Variants in COL20A1 observed in about 807,000 individuals in gnomAD.
COL20A1 encodes collagen type XX alpha 1 chain, also known as collagen alpha-1(XX) chain.
Under a neutral mutation model 152.9 loss-of-function variants are expected in COL20A1, and 164 were observed. The ratio of observed to expected loss-of-function variants is 1.07; its 90% CI spans 0.94 to 1.22. COL20A1 has a LOEUF of 1.22. Among genes scored for constraint, COL20A1 ranks in the 50% most tolerant of loss-of-function variants. The pLI is 0.00. For missense variants in COL20A1, 1,873 were observed against 1,744.8 expected, an observed-to-expected ratio of 1.07 and a Z score of -1.31; for synonymous variants, 864 against 756.0, an observed-to-expected ratio of 1.14 and a Z score of -2.34.
chr20:63,322,023 G>C, intron 26 of COL20A1, 35 bp from the exon 27 acceptor site: 5 of 1,509,450 alleles, frequency 3.3e-6, no homozygotes, highest in Non-Finnish European at 4.4e-6. Flanking sequence ...TGGTTGGGTA[G>C]TTCTGGGGGC....
At chr20:63,294,359 C>T (rs1412534876) in intron 1 of COL20A1, among the ~76,000 whole-genome samples, 1 of 151,662 alleles carries the variant, frequency 6.6e-6, no homozygotes, top group East Asian at 2.0e-4. Flanking sequence ...CACTGGGTTA[C>T]CCTGGCCTCT....
rs1323950765 is a variant in COL20A1, at chr20:63,305,811, G to A, written c.338-70G>A. On this transcript the variant is annotated intron_variant, in intron 4 of 35. Transcript: ENST00000358894. The surrounding 1 kb of genome is among the most constrained non-coding windows in gnomAD (Gnocchi z 4.9). ...CCCACAGATGCGCCCTTGAAGGGGT[G>A]TATGTGCAGCTGCCCCAGTGGACCA... 1.3e-6 allele frequency: 2 copies of A among 1,486,088 alleles called. No individual in the cohort carries two copies. Among genetic ancestry groups the A allele is most frequent in the East Asian group, 2.3e-5 (1 of 44,200 alleles). 92.1% of individuals were successfully genotyped at this position (1,486,088 alleles called of 1,614,324 possible).
At chr20:63,329,319 T>C (rs2180614) in intron 34 of COL20A1, 343,775 of 546,816 alleles carry the variant, frequency 0.63, 109,187 homozygotes, top group Non-Finnish European at 0.65. Flanking sequence ...CCTGTCTAGA[T>C]GAGGGTGACA....
chr20:63,301,341 C>A (rs192348414), intron 3 of COL20A1, among the ~76,000 whole-genome samples: 1 of 152,198 alleles, frequency 6.6e-6, no homozygotes, highest in Non-Finnish European at 1.5e-5. Flanking sequence ...GCTTTATGGT[C>A]CAGCATATGA....
chr20:63,300,464 T>A lies in COL20A1; in HGVS notation c.193+2444T>A, dbSNP rs898003427. Among the ~76,000 whole-genome samples the A allele has an allele frequency of 2.6e-5, 4 of 152,222 alleles. No homozygotes were observed. In the South Asian group the frequency reaches 8.3e-4, roughly 31 times the overall value. ...GGTAAGTTAGTTTTTTAAACAGGAA[T>A]TTGTATTTTATATAAATTTCCTGAT... is the stretch of plus-strand genomic sequence containing the variant. On this transcript the variant is annotated intron_variant, in intron 3 of 35. Transcript: ENST00000358894.
chr20:63,314,105 C>T lies in COL20A1; in HGVS notation c.2392C>T (p.Leu798=), dbSNP rs746300443. Residue 798 remains leucine (L), a synonymous_variant, in exon 19 of 36, where the codon CTG becomes TTG. Coordinates refer to ENST00000358894, the MANE Select transcript of COL20A1 (RefSeq NM_020882.4). ...GCCAGGAGCCAGGAGCCACGTGACA[C>T]TGCCCGACCTGCAGGCAGCCACGAA... The part of the protein sequence containing the change: ...SVPGARSHVT[L]PDLQAATKYR... 4 of 1,612,738 alleles carry T rather than the reference C, an allele frequency of 2.5e-6. No individual in the cohort carries two copies. In the South Asian group the frequency reaches 3.3e-5, roughly 13 times the overall value.
At chr20:63,303,609 C>T (rs2067884560) in intron 3 of COL20A1, among the ~76,000 whole-genome samples, 1 of 152,192 alleles carries the variant, frequency 6.6e-6, no homozygotes, top group Non-Finnish European at 1.5e-5. Context: ...ACAGTGAAAA[C>T]TCAATAACAG....
In COL20A1 at chr20:63,334,025, C is replaced by G. The variant is rs2068364162; in HGVS notation, c.*3309C>G. ...TTGAGCCCCAGCACAGAGACGATGT[C>G]ATAATACAGCCCCCCATCGTGATCT... is the stretch of plus-strand genomic sequence containing the variant. On this transcript the variant is annotated 3_prime_UTR_variant, in exon 36 of 36. Transcript: ENST00000358894. 1 of 152,268 alleles carries G rather than the reference C, an allele frequency of 6.6e-6. No homozygotes were observed. Among genetic ancestry groups the G allele is most frequent in the Non-Finnish European group, 1.5e-5 (1 of 68,068 alleles). The allele number at this position is 152,268 out of a possible 1,614,324, so 9.4% of individuals were successfully genotyped here.
chr20:63,309,434 G>T lies in COL20A1; in HGVS notation c.1042G>T (p.Ala348Ser). ...GGACTTCCTGCAGCTCGGCGCGCTG[G>T]CTGGCCTGCTCAGCCGTCTCATCTG... ...VLDFLQLGAL[A>S]GLLSRLICQR... Residue 348 changes from alanine to serine, a missense_variant, in exon 9 of 36, where the codon GCT becomes TCT. Coordinates refer to ENST00000358894, the MANE Select transcript of COL20A1 (RefSeq NM_020882.4). 6.5e-7 allele frequency: 1 copy of T among 1,545,426 alleles called. No individual in the cohort carries two copies. Among genetic ancestry groups the T allele is most frequent in the East Asian group, 2.5e-5 (1 of 40,608 alleles).
At chr20:63,309,633 A>G in intron 9 of COL20A1, 125 bp from the exon 10 acceptor site, 1 of 1,236,510 alleles carries the variant, frequency 8.1e-7, no homozygotes, top group Non-Finnish European at 1.1e-6. Context: ...GCACCCCCTT[A>G]CATCTGTCCA....
At chr20:63,293,996 C>CCATG (rs1019090162) in intron 1 of COL20A1, among the ~76,000 whole-genome samples, 1 of 145,988 alleles carries the variant, frequency 6.8e-6, no homozygotes, top group Non-Finnish European at 1.5e-5. Flanking sequence ...TGCACTCAAG[C>CCATG]CATGCCCTCA....
In COL20A1 at chr20:63,334,339, G is replaced by C. The variant is rs1174882733; in HGVS notation, c.*3623G>C. 6.6e-6 allele frequency: 1 copy of C among 152,252 alleles called. No homozygotes were observed. Among genetic ancestry groups the C allele is most frequent in the Admixed American group, 6.5e-5 (1 of 15,286 alleles). The allele number at this position is 152,252 out of a possible 1,614,324, so 9.4% of individuals were successfully genotyped here. On this transcript the variant is annotated 3_prime_UTR_variant, in exon 36 of 36. Transcript: ENST00000358894. ...GTAACCAAATAATGATGGATGCAGCGCCACGTCAGAATCTCTGTGCTGCAG... is the reference window on the plus strand; with the variant it reads ...GTAACCAAATAATGATGGATGCAGCCCCACGTCAGAATCTCTGTGCTGCAG...
Position 63,312,786 on chromosome 20 carries a change from C to T in COL20A1, c.1934-6C>T. The T allele has an allele frequency of 2.6e-6, 4 of 1,543,354 alleles. No homozygotes were observed. The highest frequency in any genetic ancestry group is 3.5e-6 in the Non-Finnish European group (4 of 1,138,932). ...CACCCCCAGCCTGTGTCTCCACTTC[C>T]TTCAGAGAAAGCTCCCAGCCCAAGC... On this transcript the variant is annotated splice_polypyrimidine_tract_variant and splice_region_variant and intron_variant, in intron 15 of 35. Transcript: ENST00000358894.
chr20:63,326,210 G>A, intron 30 of COL20A1, 61 bp downstream of exon 30: 3 of 1,370,404 alleles, frequency 2.2e-6, no homozygotes, highest in Non-Finnish European at 3.1e-6. Flanking sequence ...CCAGGGGTCA[G>A]GCAGAGGCCA....
At chr20:63,325,868 C>T in intron 29 of COL20A1, 147 bp downstream of exon 29, 2 of 820,062 alleles carry the variant, frequency 2.4e-6, no homozygotes, top group South Asian at 3.4e-5. Context: ...CCCCCTTCAG[C>T]CTGTGGCCTG....
chr20:63,310,355 C>T, intron 10 of COL20A1, 26 bp from the exon 11 acceptor site: 1 of 1,609,270 alleles, frequency 6.2e-7, no homozygotes, highest in South Asian at 1.1e-5. Flanking sequence ...CCCTTCCTGG[C>T]TCCGTCCTTG....
chr20:63,305,749 A>G lies in COL20A1; in HGVS notation c.338-132A>G, dbSNP rs2067916473. On this transcript the variant is annotated intron_variant, in intron 4 of 35. Transcript: ENST00000358894. This position sits in a 1 kb window ranked among gnomAD's most constrained non-coding sequence, Gnocchi z 4.9. ...CCAGCAAGGCTGCCTTGCCCCTGAC[A>G]TCTTTGCATGCCTCCCAGGCTCCTG... 2 of 1,125,864 alleles carry G rather than the reference A, an allele frequency of 1.8e-6. No homozygotes were observed. The highest frequency in any genetic ancestry group is 2.5e-6 in the Non-Finnish European group (2 of 787,422). The allele number at this position is 1,125,864 out of a possible 1,614,324, so 69.7% of individuals were successfully genotyped here.
Position 63,313,714 on chromosome 20 carries a change from A to T in COL20A1, c.2210-29A>T, listed in dbSNP as rs2068046611. On this transcript the variant is annotated intron_variant, in intron 17 of 35. Coordinates refer to ENST00000358894, the MANE Select transcript of COL20A1 (RefSeq NM_020882.4). The surrounding 1 kb of genome is among the most constrained non-coding windows in gnomAD (Gnocchi z 5.9). ...GGTGCCTCCTTTCTGGAGGGGCCTG[A>T]GCCCCACACAACCCATGCTCTCGGC... The T allele has an allele frequency of 6.5e-7, 1 of 1,543,840 alleles. No homozygotes were observed. The highest frequency in any genetic ancestry group is 8.7e-7 in the Non-Finnish European group (1 of 1,148,924).
intron 2 of COL20A1, among the ~76,000 whole-genome samples, chr20:63,295,553 T>C (rs999359128): frequency 1.3e-5 from 2 of 152,020 alleles, no homozygotes; most frequent in Admixed American, 6.5e-5. Context: ...ACTGGTGTTT[T>C]GGGCACATAG....
Sources: gnomAD v4.1 joint callset for allele counts (sites outside exome capture counted in the v4.1 genomes callset) on GRCh38, gnomAD v4.1.1 for gene constraint, Gnocchi (gnomAD v3.1) non-coding constraint, MANE v1.5 for transcripts, NCBI Gene and HGNC (gene_info 2026-07-23, HGNC 2026-07-21) for gene names.